Variants in SCFD2 observed in about 807,000 individuals in gnomAD.
The protein encoded by SCFD2 is sec1 family domain-containing protein 2.
Under a neutral mutation model 58.9 loss-of-function variants are expected in SCFD2, and 54 were observed. The ratio of observed to expected loss-of-function variants is 0.92; its 90% CI spans 0.74 to 1.15. The LOEUF (loss-of-function observed/expected upper bound fraction) is 1.15, where lower values mean the gene tolerates loss of function less well. Ranked by LOEUF, SCFD2 falls within the 50% of genes most tolerant of loss-of-function variation. The pLI, the probability that SCFD2 is intolerant of heterozygous loss-of-function variation, is 0.00. For synonymous variants in SCFD2, 321 were observed against 335.9 expected (o/e 0.96, Z 0.49); for missense variants, 805 against 836.6 (o/e 0.96, Z 0.47).
intron 7 of SCFD2, among the ~76,000 whole-genome samples, chr4:52,891,172 A>G (rs1229353753): frequency 1.3e-5 from 2 of 152,026 alleles, no homozygotes; most frequent in Non-Finnish European, 2.9e-5. Context: ...AACACTTCAC[A>G]TCTCATGTTT....
intron 5 of SCFD2, among the ~76,000 whole-genome samples, chr4:52,960,991 T>C (rs1720840633): frequency 6.6e-6 from 1 of 152,080 alleles, no homozygotes. Flanking sequence ...CTGGGGGAAG[T>C]GGGACCTGAG....
At chr4:52,882,825 T>C (rs1385597490) in intron 8 of SCFD2, among the ~76,000 whole-genome samples, 2 of 152,198 alleles carry the variant, frequency 1.3e-5, no homozygotes, top group African/African-American at 2.4e-5. Flanking sequence ...ATTTATCCTA[T>C]TAGTTTTGTC....
At chr4:53,280,798 A>G (rs1283510253) in intron 3 of SCFD2, among the ~76,000 whole-genome samples, 1 of 152,218 alleles carries the variant, frequency 6.6e-6, no homozygotes, top group Non-Finnish European at 1.5e-5. Context: ...ATATTTAAAT[A>G]TAATATATTC....
At chr4:53,294,788 CT>C (rs1731965470) in intron 3 of SCFD2, among the ~76,000 whole-genome samples, 2 of 151,080 alleles carry the variant, frequency 1.3e-5, no homozygotes, top group Admixed American at 1.3e-4. Context: ...GCGTTTAAGT[CT>C]TTAATCCATC....
intron 5 of SCFD2, among the ~76,000 whole-genome samples, chr4:53,032,827 T>C (rs1167947379): frequency 6.6e-6 from 1 of 151,942 alleles, no homozygotes; most frequent in East Asian, 1.9e-4. Context: ...AAGCAAGTTA[T>C]TAGGCCTACA....
At chr4:52,935,315 A>G (rs1320374729) in intron 5 of SCFD2, among the ~76,000 whole-genome samples, 4 of 152,244 alleles carry the variant, frequency 2.6e-5, no homozygotes, top group African/African-American at 9.6e-5. Flanking sequence ...TTAAATAAGC[A>G]TATAATTTAA....
At chr4:53,102,153 T>C (rs1359064205) in intron 5 of SCFD2, among the ~76,000 whole-genome samples, 1 of 152,166 alleles carries the variant, frequency 6.6e-6, no homozygotes, top group East Asian at 1.9e-4. Context: ...CAACTCAAAA[T>C]GCTGGGGCAG....
chr4:53,345,440 T>C (rs1053256746), intron 2 of SCFD2, among the ~76,000 whole-genome samples: 5 of 151,996 alleles, frequency 3.3e-5, no homozygotes, highest in African/African-American at 1.2e-4. Flanking sequence ...TAAAAAATCA[T>C]CAAACAATAG....
At chr4:53,046,637 C>A (rs1314754569) in intron 5 of SCFD2, among the ~76,000 whole-genome samples, 1 of 151,854 alleles carries the variant, frequency 6.6e-6, no homozygotes, top group Non-Finnish European at 1.5e-5. Flanking sequence ...TGGTACCTGA[C>A]ACTCCCACTT....
At chr4:53,258,995 A>T (rs1031675054) in intron 4 of SCFD2, among the ~76,000 whole-genome samples, 11 of 152,062 alleles carry the variant, frequency 7.2e-5, no homozygotes, top group Non-Finnish European at 1.6e-4. Flanking sequence ...GCATTTTTCC[A>T]TATGCTTGTC....
At chr4:53,097,374 G>A (rs1442945342) in intron 5 of SCFD2, among the ~76,000 whole-genome samples, 1 of 152,028 alleles carries the variant, frequency 6.6e-6, no homozygotes, top group Non-Finnish European at 1.5e-5. Context: ...ATTTGTTTGT[G>A]TCCTCTTTTA....
intron 4 of SCFD2, among the ~76,000 whole-genome samples, chr4:53,240,290 C>T (rs574345766): frequency 2.6e-3 from 403 of 152,260 alleles, no homozygotes; most frequent in Non-Finnish European, 4.5e-3. Context: ...ATTTTATGTG[C>T]TCCCAAGCTA....
chr4:52,942,600 G>A (rs894539128), intron 5 of SCFD2, among the ~76,000 whole-genome samples: 5 of 152,148 alleles, frequency 3.3e-5, no homozygotes, highest in Admixed American at 6.6e-5. Flanking sequence ...CTCCTTCATA[G>A]GGTTGTTGGG....
intron 4 of SCFD2, among the ~76,000 whole-genome samples, chr4:53,264,551 C>G (rs1730924392): frequency 6.6e-6 from 1 of 152,110 alleles, no homozygotes; most frequent in Non-Finnish European, 1.5e-5. Flanking sequence ...CAGAAAAACT[C>G]AATCCTAATT....
chr4:53,349,885 G>A (rs1240753750), intron 2 of SCFD2, among the ~76,000 whole-genome samples: 1 of 152,210 alleles, frequency 6.6e-6, no homozygotes, highest in East Asian at 1.9e-4. Context: ...GTGGCACAGG[G>A]TAATGGTAAA....
chr4:53,200,999 TTTTAATTTAA>T (rs33930057), intron 4 of SCFD2, among the ~76,000 whole-genome samples: 3 of 151,404 alleles, frequency 2.0e-5, no homozygotes, highest in African/African-American at 2.4e-5. Context: ...ATTAATTTTA[TTTTAATTTAA>T]TTTAATTTTT....
chr4:53,170,864 T>A (rs1001923988), intron 4 of SCFD2, among the ~76,000 whole-genome samples: 7 of 152,216 alleles, frequency 4.6e-5, no homozygotes, highest in Admixed American at 1.3e-4. Flanking sequence ...TACTCATTTT[T>A]CTGTGTTGAT....
chr4:53,099,862 G>T (rs1438831255), intron 5 of SCFD2, among the ~76,000 whole-genome samples: 2 of 152,040 alleles, frequency 1.3e-5, no homozygotes, highest in East Asian at 3.9e-4. Context: ...CCATAGCAGA[G>T]GATTTTTGTC....
chr4:52,948,005 A>G (rs1720484787), intron 5 of SCFD2, among the ~76,000 whole-genome samples: 1 of 151,502 alleles, frequency 6.6e-6, no homozygotes, highest in African/African-American at 2.4e-5. Context: ...CAAATCCTAG[A>G]AGAAATCATG....
Sources: gnomAD v4.1 joint callset for allele counts (sites outside exome capture counted in the v4.1 genomes callset) on GRCh38, gnomAD v4.1.1 for gene constraint, MANE v1.5 for transcripts, NCBI Gene and HGNC (gene_info 2026-07-23, HGNC 2026-07-21) for gene names.